Variants in PRSS38 observed in about 807,000 individuals in gnomAD.
The protein encoded by PRSS38 is marapsin 2.
PRSS38 carries 22 observed loss-of-function variants against 26.8 expected under a neutral mutation model. That is an observed-to-expected ratio of 0.82 (90% CI 0.59 to 1.17). PRSS38 has a LOEUF of 1.17. Among genes scored for constraint, PRSS38 ranks in the 50% most tolerant of loss-of-function variants. The pLI is 0.00. For synonymous variants in PRSS38, 175 were observed against 172.1 expected, an observed-to-expected ratio of 1.02 and a Z score of -0.13; for missense variants, 427 against 422.7, an observed-to-expected ratio of 1.01 and a Z score of -0.09.
intron 3 of PRSS38, among the ~76,000 whole-genome samples, chr1:227,830,500 A>G (rs926435163): frequency 7.3e-6 from 1 of 136,866 alleles, no homozygotes; most frequent in Non-Finnish European, 1.6e-5. Context: ...TAAGGTGTCT[A>G]CTTTTTTTTT....
At chr1:227,820,746 G>T (rs925849393) in intron 3 of PRSS38, among the ~76,000 whole-genome samples, 1 of 152,140 alleles carries the variant, frequency 6.6e-6, no homozygotes, top group Admixed American at 6.5e-5. Flanking sequence ...AATGAATTAT[G>T]AAGTGTTGCT....
intron 3 of PRSS38, among the ~76,000 whole-genome samples, chr1:227,833,986 TG>T (rs1665200500): frequency 2.0e-5 from 3 of 151,884 alleles, no homozygotes; most frequent in Admixed American, 2.0e-4. Context: ...GATGTTAGGG[TG>T]GGGCCTTGTC....
At chr1:227,825,590 T>G (rs1362700749) in intron 3 of PRSS38, among the ~76,000 whole-genome samples, 1 of 152,238 alleles carries the variant, frequency 6.6e-6, no homozygotes, top group Non-Finnish European at 1.5e-5. Context: ...TTCATCTTTC[T>G]GCATATGGCT....
At chr1:227,837,013 C>T (rs1665246451) in intron 3 of PRSS38, among the ~76,000 whole-genome samples, 1 of 152,046 alleles carries the variant, frequency 6.6e-6, no homozygotes, top group Non-Finnish European at 1.5e-5. Context: ...CTTTTAGTGG[C>T]AGGGTCTTGC....
chr1:227,823,236 T>C (rs1213874176), intron 3 of PRSS38, among the ~76,000 whole-genome samples: 1 of 152,114 alleles, frequency 6.6e-6, no homozygotes, highest in Non-Finnish European at 1.5e-5. Context: ...TCCAGTTCCA[T>C]CCACATTGCT....
intron 3 of PRSS38, among the ~76,000 whole-genome samples, chr1:227,830,430 A>AT (rs568393765): frequency 4.8e-5 from 7 of 147,346 alleles, no homozygotes; most frequent in Non-Finnish European, 9.0e-5. Context: ...TTATTGTCCT[A>AT]TTACTTTTAC....
At chr1:227,834,963 A>T (rs766840088) in intron 3 of PRSS38, among the ~76,000 whole-genome samples, 1 of 152,226 alleles carries the variant, frequency 6.6e-6, no homozygotes, top group Non-Finnish European at 1.5e-5. Flanking sequence ...TATCCAGAAT[A>T]TATAAAGAAC....
At chr1:227,844,333 C>T (rs1160197628) in intron 3 of PRSS38, among the ~76,000 whole-genome samples, 2 of 152,078 alleles carry the variant, frequency 1.3e-5, no homozygotes, top group African/African-American at 4.8e-5. Context: ...CTCCCCTACC[C>T]CCCATGAGTG....
chr1:227,843,913 G>A (rs987061509), intron 3 of PRSS38, among the ~76,000 whole-genome samples: 121 of 152,034 alleles, frequency 8.0e-4, no homozygotes, highest in Non-Finnish European at 2.2e-4. Context: ...CCAGCTACTC[G>A]GGAGGTGGAG....
chr1:227,844,973 T>C (rs1665400580), intron 3 of PRSS38, among the ~76,000 whole-genome samples: 1 of 128,300 alleles, frequency 7.8e-6, no homozygotes, highest in Admixed American at 8.1e-5. Flanking sequence ...TGGTCAGGAC[T>C]CCTCCCTGTG....
intron 3 of PRSS38, among the ~76,000 whole-genome samples, chr1:227,831,394 C>G (rs1450689327): frequency 6.6e-6 from 1 of 152,078 alleles, no homozygotes; most frequent in Non-Finnish European, 1.5e-5. Context: ...TAATTTTACA[C>G]TTTTTGAACT....
At chr1:227,827,914 G>A (rs762238157) in intron 3 of PRSS38, among the ~76,000 whole-genome samples, 4 of 152,136 alleles carry the variant, frequency 2.6e-5, no homozygotes, top group Admixed American at 6.6e-5. Context: ...TAGTTTGAAA[G>A]AACTTCTTGA....
intron 3 of PRSS38, among the ~76,000 whole-genome samples, chr1:227,820,869 ATTC>A (rs971365834): frequency 6.6e-6 from 1 of 151,906 alleles, no homozygotes; most frequent in African/African-American, 2.4e-5. Context: ...TTGTTGGGAG[ATTC>A]TTATTGTTGA....
chr1:227,837,989 C>G (rs1558237000), intron 3 of PRSS38, among the ~76,000 whole-genome samples: 1 of 152,140 alleles, frequency 6.6e-6, no homozygotes, highest in Non-Finnish European at 1.5e-5. Flanking sequence ...CTTCTGGCCT[C>G]AAGCGTTCCT....
chr1:227,841,621 A>G (rs1665339085), intron 3 of PRSS38, among the ~76,000 whole-genome samples: 1 of 152,142 alleles, frequency 6.6e-6, no homozygotes, highest in African/African-American at 2.4e-5. Flanking sequence ...TGCTGCTTTA[A>G]ATCCAGTAAT....
intron 3 of PRSS38, among the ~76,000 whole-genome samples, chr1:227,842,683 C>T (rs1396365046): frequency 1.3e-5 from 2 of 151,870 alleles, no homozygotes; most frequent in Non-Finnish European, 2.9e-5. Flanking sequence ...TGGGTTCTAG[C>T]GATTCTCCTG....
At chr1:227,842,193 T>C (rs1665347799) in intron 3 of PRSS38, among the ~76,000 whole-genome samples, 1 of 152,180 alleles carries the variant, frequency 6.6e-6, no homozygotes, top group Non-Finnish European at 1.5e-5. Flanking sequence ...ATCCCAACTA[T>C]AGCAGCAGGG....
chr1:227,839,214 A>C (rs7541187), intron 3 of PRSS38, among the ~76,000 whole-genome samples: 129,499 of 152,186 alleles, frequency 0.85, 55,346 homozygotes, highest in South Asian at 0.91. Context: ...AATCCCAGCA[A>C]TTTGTGAGGC....
chr1:227,836,200 G>A (rs1665236411), intron 3 of PRSS38, among the ~76,000 whole-genome samples: 1 of 152,022 alleles, frequency 6.6e-6, no homozygotes, highest in South Asian at 2.1e-4. Flanking sequence ...CTAGGCTCCA[G>A]CGATCCTTCT....
Sources: allele counts gnomAD v4.1 joint callset (sites outside exome capture counted in the v4.1 genomes callset), GRCh38; gene constraint gnomAD v4.1.1; transcripts MANE v1.5; gene names NCBI Gene and HGNC (gene_info 2026-07-23, HGNC 2026-07-21).